The following MELK variants were observed in gnomAD, a reference collection of about 807,000 sequenced individuals.
MELK encodes the protein pEg3 kinase.
MELK carries 81 observed loss-of-function variants against 85.0 expected under a neutral mutation model. The ratio of observed to expected loss-of-function variants is 0.95; its 90% CI spans 0.80 to 1.15. The LOEUF is 1.15. MELK is among the 50% of genes most tolerant of loss of function. The pLI is 0.00. For synonymous variants in MELK, 252 were observed against 265.0 expected (o/e 0.95, Z 0.48); for missense variants, 754 against 777.5 (o/e 0.97, Z 0.36).
intron 9 of MELK, among the ~76,000 whole-genome samples, chr9:36,632,588 C>A (rs543669430): frequency 1.5e-4 from 23 of 152,224 alleles, no homozygotes; most frequent in Non-Finnish European, 2.9e-4. Flanking sequence ...ATTGAAAATG[C>A]CTTACTCTTT....
intron 7 of MELK, among the ~76,000 whole-genome samples, chr9:36,603,437 CT>C (rs35162618): frequency 1.3e-3 from 188 of 145,304 alleles, no homozygotes; most frequent in East Asian, 3.6e-3. Context: ...ATTATTTTAT[CT>C]TTTTTTTTTT....
chr9:36,586,334 C>T (rs1822900707), intron 3 of MELK, among the ~76,000 whole-genome samples: 1 of 150,770 alleles, frequency 6.6e-6, no homozygotes, highest in Non-Finnish European at 1.5e-5. Context: ...AGAACAAGAC[C>T]CTGTCTCCAG....
intron 11 of MELK, among the ~76,000 whole-genome samples, chr9:36,644,368 T>C (rs1427697965): frequency 6.6e-6 from 1 of 152,170 alleles, no homozygotes; most frequent in Non-Finnish European, 1.5e-5. Flanking sequence ...TTGCTTTATC[T>C]GTTCTTTAAC....
rs529473113 is a variant in MELK at position 36,647,478 on chromosome 9, TTTTC to T, written c.922-4252_922-4249del. 5.4e-3 allele frequency among the ~76,000 whole-genome samples: 814 copies of T among 151,726 alleles called. 1 individual carries two copies. The highest frequency in any genetic ancestry group is 9.6e-3 in the Non-Finnish European group (655 of 67,910). On this transcript the variant is annotated intron_variant, in intron 11 of 17. Coordinates refer to ENST00000298048, the MANE Select transcript of MELK (RefSeq NM_014791.4). ...CTTCTCCATGAAGCCTCTTCTTTTC[TTTTC>T]TTTCTTTCTTTCTTTTTTTTTTTTT...
intron 8 of MELK, among the ~76,000 whole-genome samples, chr9:36,621,275 GAAAAAAAAAAAAAAAAAAAAAAAAA>G (rs74181196): frequency 0.13 from 4,228 of 32,508 alleles, 309 homozygotes; most frequent in African/African-American, 0.24. Flanking sequence ...CTGTCTCAGG[GAAAAAAAAAAAAAAAAAAAAAAAAA>G]AAAAAAAAAA....
intron 8 of MELK, among the ~76,000 whole-genome samples, chr9:36,613,263 T>G (rs955551328): frequency 1.3e-5 from 2 of 152,264 alleles, no homozygotes; most frequent in Non-Finnish European, 2.9e-5. Context: ...AAATGTTCTC[T>G]AATCAGAAAG....
chr9:36,640,394 C>T (rs986951821), intron 10 of MELK, among the ~76,000 whole-genome samples: 3 of 152,024 alleles, frequency 2.0e-5, no homozygotes, highest in South Asian at 2.1e-4. Flanking sequence ...CGTGGTGGAA[C>T]GGGAGAAAGG....
chr9:36,589,300 C>T (rs1249702302), intron 3 of MELK, among the ~76,000 whole-genome samples: 1 of 152,114 alleles, frequency 6.6e-6, no homozygotes, highest in Non-Finnish European at 1.5e-5. Flanking sequence ...AGGCTCCTGC[C>T]ACCACGCCCG....
chr9:36,661,010 G>C (rs542381392), intron 13 of MELK, among the ~76,000 whole-genome samples: 2 of 151,874 alleles, frequency 1.3e-5, no homozygotes, highest in Non-Finnish European at 2.9e-5. Context: ...AACAAACAAA[G>C]AATAAAAAAA....
At chr9:36,619,731 A>G (rs575180220) in intron 8 of MELK, among the ~76,000 whole-genome samples, 20 of 152,238 alleles carry the variant, frequency 1.3e-4, no homozygotes, top group African/African-American at 4.8e-4. Context: ...CCAGAAATGG[A>G]GTTCTGTGTT....
chr9:36,581,392 C>T (rs537483184), intron 1 of MELK, among the ~76,000 whole-genome samples: 1 of 151,612 alleles, frequency 6.6e-6, no homozygotes, highest in Non-Finnish European at 1.5e-5. Context: ...TTTAAGTGAT[C>T]CTCTCCTATC....
chr9:36,621,016 A>G (rs868040853), intron 8 of MELK, among the ~76,000 whole-genome samples: 1 of 151,772 alleles, frequency 6.6e-6, no homozygotes, highest in Non-Finnish European at 1.5e-5. Context: ...CACGCCTGCA[A>G]TCCCAGCACT....
At chr9:36,657,219 T>A in intron 12 of MELK, 22 bp from the exon 13 acceptor site, 1 of 1,599,528 alleles carries the variant, frequency 6.3e-7, no homozygotes. Context: ...ATCTTTAAGT[T>A]CTTCTGTCTT....
chr9:36,631,078 C>T (rs553621779), intron 9 of MELK, among the ~76,000 whole-genome samples: 3 of 151,174 alleles, frequency 2.0e-5, no homozygotes, highest in East Asian at 2.0e-4. Context: ...ATTCTCCTGC[C>T]TCAGCCTCCT....
intron 1 of MELK, 109 bp downstream of exon 1, chr9:36,573,116 G>C (rs1209664659): frequency 3.3e-5 from 5 of 152,264 alleles, no homozygotes; most frequent in African/African-American, 9.6e-5. Flanking sequence ...GGAGACTGGA[G>C]GATTTCATCG....
chr9:36,599,788 C>T (rs942655837), intron 7 of MELK, among the ~76,000 whole-genome samples: 1 of 152,108 alleles, frequency 6.6e-6, no homozygotes, highest in African/African-American at 2.4e-5. Flanking sequence ...GAACAAAAGA[C>T]GAAGGTTCCA....
chr9:36,582,264 A>G (rs1028979949), intron 2 of MELK, among the ~76,000 whole-genome samples: 1 of 152,130 alleles, frequency 6.6e-6, no homozygotes, highest in Non-Finnish European at 1.5e-5. Flanking sequence ...CACCGCGCCC[A>G]GGCTTCTTTT....
At chr9:36,628,418 G>T (rs1464241141) in intron 8 of MELK, among the ~76,000 whole-genome samples, 1 of 151,914 alleles carries the variant, frequency 6.6e-6, no homozygotes, top group Non-Finnish European at 1.5e-5. Flanking sequence ...TGTTAACTTT[G>T]TTAATGAATT....
Position 36,624,753 on chromosome 9 carries a change from T to C in MELK, c.667-5546T>C, listed in dbSNP as rs550140892. Among the ~76,000 whole-genome samples the C allele has an allele frequency of 9.2e-5, 14 of 152,350 alleles. No individual in the cohort carries two copies. In the South Asian group the frequency reaches 2.9e-3, roughly 32 times the overall value. Reference sequence around the variant, plus strand: ...TGGTTTCTGTGGAGTACTCCTACTTTTAGTTAAGAGTACTTTTCAGAATTG... The same window carrying C: ...TGGTTTCTGTGGAGTACTCCTACTTCTAGTTAAGAGTACTTTTCAGAATTG... On this transcript the variant is annotated intron_variant, in intron 8 of 17. Coordinates refer to ENST00000298048, the MANE Select transcript of MELK (RefSeq NM_014791.4).
Sources: gnomAD v4.1 joint callset for allele counts (sites outside exome capture counted in the v4.1 genomes callset) on GRCh38, gnomAD v4.1.1 for gene constraint, MANE v1.5 for transcripts, NCBI Gene and HGNC (gene_info 2026-07-23, HGNC 2026-07-21) for gene names.